DCDC1: variants seen among roughly 807,000 people sequenced by gnomAD.
DCDC1 encodes doublecortin domain containing 1.
In DCDC1, 200 loss-of-function variants were observed where a neutral mutation model predicts 178.3. The ratio of observed to expected loss-of-function variants is 1.12; its 90% CI spans 1.00 to 1.26. DCDC1 has a LOEUF of 1.26. DCDC1 is among the 50% of genes most tolerant of loss of function. The pLI, the probability that DCDC1 is intolerant of heterozygous loss-of-function variation, is 0.00. For synonymous variants in DCDC1, 690 were observed against 604.8 expected, an observed-to-expected ratio of 1.14 and a Z score of -2.07; for missense variants, 1,983 against 1,749.2, an observed-to-expected ratio of 1.13 and a Z score of -2.38.
intron 1 of DCDC1, among the ~76,000 whole-genome samples, chr11:31,341,299 C>T (rs959911225): frequency 3.9e-5 from 6 of 152,070 alleles, no homozygotes; most frequent in African/African-American, 1.4e-4. Context: ...AAAGTGATGA[C>T]AGAATAACAT....
At chr11:31,157,372 A>AAAAAAAAAT (rs71060478) in intron 9 of DCDC1, among the ~76,000 whole-genome samples, 9 of 96,878 alleles carry the variant, frequency 9.3e-5, no homozygotes, top group Non-Finnish European at 1.5e-4. Context: ...AAAAAAAAAA[A>AAAAAAAAAT]ATATATATAT....
chr11:31,333,890 T>A (rs1023002193), intron 2 of DCDC1, among the ~76,000 whole-genome samples: 1 of 152,152 alleles, frequency 6.6e-6, no homozygotes, highest in African/African-American at 2.4e-5. Context: ...ATCTTTGTGG[T>A]GTTCTCTGTA....
At chr11:31,107,691 A>T (rs1358998241) in intron 12 of DCDC1, among the ~76,000 whole-genome samples, 1 of 152,224 alleles carries the variant, frequency 6.6e-6, no homozygotes, top group Non-Finnish European at 1.5e-5. Context: ...AAGTAAATCT[A>T]ACAGAACTGT....
Position 31,097,258 on chromosome 11 carries a change from G to A in DCDC1, c.1984-3074C>T, listed in dbSNP as rs151012023. On this transcript the variant is annotated intron_variant, in intron 15 of 38. Coordinates refer to ENST00000684477, the MANE Select transcript of DCDC1 (RefSeq NM_001387274.1). ...GTGGAGTAGCCTTCAATATTCTTGT[G>A]CAAATTCAAAATAAGAAAAGAACCA... Among the ~76,000 whole-genome samples the A allele has an allele frequency of 1.9e-3, 294 of 152,228 alleles. 1 individual carries two copies. The highest frequency in any genetic ancestry group is 6.8e-3 in the African/African-American group (282 of 41,542).
intron 7 of DCDC1, among the ~76,000 whole-genome samples, chr11:31,290,404 A>G (rs965692955): frequency 8.5e-5 from 13 of 152,060 alleles, no homozygotes; most frequent in African/African-American, 3.1e-4. Context: ...TTAACTAGGT[A>G]AATGGCTAAC....
chr11:31,215,025 A>G (rs148531171), intron 9 of DCDC1: 2,833 of 155,948 alleles, frequency 0.018, 44 homozygotes, highest in Non-Finnish European at 0.028. Context: ...ATGTGTATAT[A>G]TAAATACAAG....
At chr11:31,353,230 A>T (rs1387240071) in intron 1 of DCDC1, among the ~76,000 whole-genome samples, 1 of 152,216 alleles carries the variant, frequency 6.6e-6, no homozygotes, top group Non-Finnish European at 1.5e-5. Flanking sequence ...CATAAATGAG[A>T]ACCTAATACT....
At chr11:31,343,697 C>A (rs1330912846) in intron 1 of DCDC1, among the ~76,000 whole-genome samples, 1 of 152,012 alleles carries the variant, frequency 6.6e-6, no homozygotes, top group Non-Finnish European at 1.5e-5. Context: ...GATGGGTAGA[C>A]CACTTGAGGT....
At chr11:31,305,083 A>G (rs1275034650) in intron 6 of DCDC1, among the ~76,000 whole-genome samples, 1 of 152,176 alleles carries the variant, frequency 6.6e-6, no homozygotes, top group Non-Finnish European at 1.5e-5. Context: ...TATACATTTT[A>G]AGGTTAAAAA....
intron 9 of DCDC1, among the ~76,000 whole-genome samples, chr11:31,204,872 C>T (rs1052250490): frequency 6.6e-6 from 1 of 151,996 alleles, no homozygotes; most frequent in East Asian, 1.9e-4. Context: ...ATTCAAATGG[C>T]TAATGGCTCA....
intron 20 of DCDC1, among the ~76,000 whole-genome samples, chr11:31,031,569 G>A (rs1953647435): frequency 6.6e-6 from 1 of 151,926 alleles, no homozygotes; most frequent in African/African-American, 2.4e-5. Context: ...ACTTATTGTG[G>A]AAAAGTGGTA....
At chr11:31,026,528 G>T (rs184139581) in intron 20 of DCDC1, among the ~76,000 whole-genome samples, 1 of 151,898 alleles carries the variant, frequency 6.6e-6, no homozygotes, top group South Asian at 2.1e-4. Flanking sequence ...AAATTAATTT[G>T]TCTGTATGAG....
At chr11:31,350,610 C>T (rs1951021315) in intron 1 of DCDC1, among the ~76,000 whole-genome samples, 1 of 152,074 alleles carries the variant, frequency 6.6e-6, no homozygotes, top group South Asian at 2.1e-4. Context: ...AAGATACTGT[C>T]AACATAAACT....
In DCDC1 at chr11:30,864,590, C is replaced by T. The variant is rs1018694524; in HGVS notation, c.*783G>A. ...GGCCAAGAGTAGAAGAACTGAACCTCATGTCCCCATCATGTTGCTGTGGGG... is the reference window on the plus strand; with the variant it reads ...GGCCAAGAGTAGAAGAACTGAACCTTATGTCCCCATCATGTTGCTGTGGGG... On this transcript the variant is annotated 3_prime_UTR_variant, in exon 39 of 39. Transcript: ENST00000684477. 2.0e-5 allele frequency: 3 copies of T among 152,238 alleles called. No homozygotes were observed. The highest frequency in any genetic ancestry group is 7.2e-5 in the African/African-American group (3 of 41,452). 9.4% of individuals were successfully genotyped at this position (152,238 alleles called of 1,614,324 possible).
At chr11:31,355,951 C>T (rs1332565479) in intron 1 of DCDC1, among the ~76,000 whole-genome samples, 1 of 152,044 alleles carries the variant, frequency 6.6e-6, no homozygotes, top group African/African-American at 2.4e-5. Flanking sequence ...GGGAAGAGTG[C>T]CCCAAGGTGT....
intron 9 of DCDC1, among the ~76,000 whole-genome samples, chr11:31,227,158 C>A (rs1213285036): frequency 2.0e-5 from 3 of 152,002 alleles, no homozygotes; most frequent in Non-Finnish European, 4.4e-5. Flanking sequence ...TTTTGCATTG[C>A]TATAAAGGAA....
intron 11 of DCDC1, among the ~76,000 whole-genome samples, chr11:31,112,791 C>G (rs955355866): frequency 9.9e-5 from 15 of 152,264 alleles, no homozygotes; most frequent in Non-Finnish European, 1.8e-4. Flanking sequence ...TTTTCTTAAG[C>G]TAAACTAAAT....
chr11:31,119,035 G>A lies in DCDC1; in HGVS notation c.1485+8434C>T, dbSNP rs139684771. On this transcript the variant is annotated intron_variant, in intron 11 of 38. Coordinates refer to ENST00000684477, the MANE Select transcript of DCDC1 (RefSeq NM_001387274.1). Reference sequence around the variant, plus strand: ...CCCCCAAAATCCACAAAGAGGAGGAGGAGTGGGGCAATGAGGACAGGAGGA... The same window carrying A: ...CCCCCAAAATCCACAAAGAGGAGGAAGAGTGGGGCAATGAGGACAGGAGGA... Among the ~76,000 whole-genome samples, 1,017 of 152,276 alleles carry A rather than the reference G, an allele frequency of 6.7e-3. 16 individuals are homozygous for A. Among genetic ancestry groups the A allele is most frequent in the South Asian group, 0.044 (213 of 4,824 alleles).
chr11:31,149,538 G>C (rs150046740), intron 9 of DCDC1, among the ~76,000 whole-genome samples: 6 of 151,926 alleles, frequency 3.9e-5, no homozygotes, highest in African/African-American at 1.5e-4. Flanking sequence ...TGCTCGGGTT[G>C]GCTTCCACGC....
Sources: gnomAD v4.1 joint callset for allele counts (sites outside exome capture counted in the v4.1 genomes callset) on GRCh38, gnomAD v4.1.1 for gene constraint, MANE v1.5 for transcripts, NCBI Gene and HGNC (gene_info 2026-07-23, HGNC 2026-07-21) for gene names.